The following OSMR variants were observed in gnomAD, a reference collection of about 807,000 sequenced individuals.
OSMR encodes oncostatin-M-specific receptor subunit beta.
Under a neutral mutation model 99.9 loss-of-function variants are expected in OSMR, and 81 were observed. The observed-to-expected ratio is 0.81, with a 90% CI of 0.68 to 0.97. The LOEUF (loss-of-function observed/expected upper bound fraction) is 0.97, where lower values mean the gene tolerates loss of function less well. Among genes scored for constraint, OSMR ranks in the 50% least tolerant of loss-of-function variants. The pLI is 0.00. For synonymous variants in OSMR, 406 were observed against 410.4 expected (o/e 0.99, Z 0.13); for missense variants, 1,099 against 1,153.4 (o/e 0.95, Z 0.68).
chr5:38,874,412 T>C (rs1172103729), intron 2 of OSMR, among the ~76,000 whole-genome samples: 2 of 152,196 alleles, frequency 1.3e-5, no homozygotes, highest in Non-Finnish European at 2.9e-5. Flanking sequence ...CTCCCTTTCC[T>C]TTTATGGGCA....
chr5:38,890,187 A>C (rs973325645), intron 7 of OSMR, among the ~76,000 whole-genome samples: 2 of 152,290 alleles, frequency 1.3e-5, no homozygotes, highest in Admixed American at 1.3e-4. Flanking sequence ...ACCTTGCTGA[A>C]AGTGTGGTCT....
At chr5:38,937,712 T>C (rs1197720884), downstream of OSMR, among the ~76,000 whole-genome samples, 2 of 152,238 alleles carry the variant, frequency 1.3e-5, no homozygotes, top group Non-Finnish European at 2.9e-5. This position sits in a 1 kb window ranked among gnomAD's most constrained non-coding sequence, Gnocchi z 4.0. Flanking sequence ...TCCCTTTAGA[T>C]ATTTAAAAAA....
At chr5:38,881,251 A>C (rs2278326) in intron 3 of OSMR, among the ~76,000 whole-genome samples, 29,818 of 151,952 alleles carry the variant, frequency 0.2, 3,163 homozygotes, top group Admixed American at 0.27. Context: ...GAACTTTCTT[A>C]GCAGATTCTC....
At chr5:38,882,031 G>A (rs1291307399) in intron 4 of OSMR, among the ~76,000 whole-genome samples, 1 of 152,196 alleles carries the variant, frequency 6.6e-6, no homozygotes, top group Non-Finnish European at 1.5e-5. Flanking sequence ...TAAAGTTTGT[G>A]TATTATAAAT....
At chr5:38,884,651 T>C (rs180780184) in intron 5 of OSMR, among the ~76,000 whole-genome samples, 2 of 152,332 alleles carry the variant, frequency 1.3e-5, no homozygotes, top group Admixed American at 1.3e-4. Flanking sequence ...CTGCATGCAG[T>C]AGGAGATCAG....
chr5:38,846,738 C>T (rs1188441453), intron 1 of OSMR, among the ~76,000 whole-genome samples: 4 of 152,134 alleles, frequency 2.6e-5, no homozygotes, highest in African/African-American at 9.7e-5. Context: ...TAGCGTCCGT[C>T]CGGGGCGCTT....
At chr5:38,913,232 A>G (rs577331575) in intron 9 of OSMR, among the ~76,000 whole-genome samples, 8 of 152,208 alleles carry the variant, frequency 5.3e-5, no homozygotes, top group Non-Finnish European at 1.0e-4. Context: ...TTCAACAAGC[A>G]GAAAGCAAAC....
intron 15 of OSMR, 72 bp from the exon 16 acceptor site, chr5:38,931,811 A>AAAC (rs1173157960): frequency 6.3e-7 from 1 of 1,578,224 alleles, no homozygotes; most frequent in African/African-American, 1.3e-5. Flanking sequence ...TTTCAATCAT[A>AAAC]AACTTGTATT....
intron 9 of OSMR, among the ~76,000 whole-genome samples, chr5:38,916,703 C>T (rs189271955): frequency 6.6e-6 from 1 of 152,106 alleles, no homozygotes; most frequent in Non-Finnish European, 1.5e-5. Flanking sequence ...CAAAATCAAT[C>T]AGTCAATCCA....
intron 7 of OSMR, among the ~76,000 whole-genome samples, chr5:38,886,903 G>T (rs1224817989): frequency 6.6e-6 from 1 of 152,098 alleles, no homozygotes; most frequent in Non-Finnish European, 1.5e-5. Flanking sequence ...TACAGGATAA[G>T]GTCAAGTTGT....
intron 9 of OSMR, among the ~76,000 whole-genome samples, chr5:38,910,139 A>C (rs531241332): frequency 1.3e-5 from 2 of 152,378 alleles, no homozygotes; most frequent in Admixed American, 1.3e-4. Flanking sequence ...AGGGCATTAC[A>C]TAATGGTAAA....
At chr5:38,847,339 G>A (rs1384933902) in intron 1 of OSMR, among the ~76,000 whole-genome samples, 2 of 152,140 alleles carry the variant, frequency 1.3e-5, no homozygotes, top group Non-Finnish European at 2.9e-5. Flanking sequence ...TAAGCTTCAC[G>A]GGTGAGGCGG....
intron 6 of OSMR, 38 bp downstream of exon 6, chr5:38,885,522 C>T: frequency 6.2e-7 from 1 of 1,613,002 alleles, no homozygotes; most frequent in Non-Finnish European, 8.5e-7. Flanking sequence ...CAACTTCTTC[C>T]TTGCTTGAGG....
intron 3 of OSMR, 181 bp from the exon 4 acceptor site, chr5:38,881,412 A>G: frequency 7.6e-6 from 7 of 919,582 alleles, no homozygotes; most frequent in Non-Finnish European, 9.1e-6. Flanking sequence ...GCAGGAGGTC[A>G]TAGCTGGCTC....
At chr5:38,901,000 C>T (rs1347301840) in intron 7 of OSMR, among the ~76,000 whole-genome samples, 1 of 152,230 alleles carries the variant, frequency 6.6e-6, no homozygotes, top group Non-Finnish European at 1.5e-5. Context: ...CTTAATCAGT[C>T]CAGTCACTCA....
chr5:38,879,672 G>A (rs995173019), intron 3 of OSMR, among the ~76,000 whole-genome samples: 1 of 147,842 alleles, frequency 6.8e-6, no homozygotes, highest in African/African-American at 2.5e-5. Flanking sequence ...TGCCCAGGGT[G>A]GAGTGCAGTG....
chr5:38,926,572 T>C (rs1328045694), intron 15 of OSMR, among the ~76,000 whole-genome samples: 1 of 152,140 alleles, frequency 6.6e-6, no homozygotes, highest in Non-Finnish European at 1.5e-5. Flanking sequence ...TTGTGAGAAC[T>C]CACCTACTAT....
chr5:38,927,914 C>G lies in OSMR; in HGVS notation c.2212+2543C>G, dbSNP rs138602427. On this transcript the variant is annotated intron_variant, in intron 15 of 17. Transcript: ENST00000274276. ...TGTAGAAATTTCTTCTGCCAGATAC[C>G]CTAAATCATCTGTCTCAAGTTCAAC... Among the ~76,000 whole-genome samples the G allele has an allele frequency of 1.4e-3, 208 of 152,166 alleles. 1 individual carries two copies. Among genetic ancestry groups the G allele is most frequent in the African/African-American group, 4.9e-3 (204 of 41,508 alleles).
At chr5:38,882,788 T>C (rs1198467063) in intron 4 of OSMR, among the ~76,000 whole-genome samples, 1 of 152,238 alleles carries the variant, frequency 6.6e-6, no homozygotes, top group Non-Finnish European at 1.5e-5. Context: ...TTTAAAGTAC[T>C]ATACATATTT....
Sources: allele counts gnomAD v4.1 joint callset (sites outside exome capture counted in the v4.1 genomes callset), GRCh38; gene constraint gnomAD v4.1.1; non-coding constraint Gnocchi (gnomAD v3.1); transcripts MANE v1.5; gene names NCBI Gene and HGNC (gene_info 2026-07-23, HGNC 2026-07-21).